LDLRAD4: variants seen among roughly 807,000 people sequenced by gnomAD.
LDLRAD4 encodes the protein low-density lipoprotein receptor class A domain-containing protein 4.
LDLRAD4 carries 5 observed loss-of-function variants against 17.0 expected under a neutral mutation model. The ratio of observed to expected loss-of-function variants is 0.29; its 90% CI spans 0.15 to 0.62. The LOEUF is 0.62. LDLRAD4 is among the 20% of genes least tolerant of loss of function. The probability of loss-of-function intolerance (pLI) is 0.84; values close to 1 mark genes in which losing one functional copy is unlikely to be tolerated. For missense variants in LDLRAD4, 340 were observed against 424.7 expected, an observed-to-expected ratio of 0.80 and a Z score of 1.75; for synonymous variants, 168 against 171.8, an observed-to-expected ratio of 0.98 and a Z score of 0.17.
intron 1 of LDLRAD4, among the ~76,000 whole-genome samples, chr18:13,358,773 C>T (rs1180851324): frequency 6.6e-6 from 1 of 152,034 alleles, no homozygotes; most frequent in Non-Finnish European, 1.5e-5. Context: ...AGTTGGCTTA[C>T]CATATTTCCA....
intron 1 of LDLRAD4, among the ~76,000 whole-genome samples, chr18:13,226,180 C>CTCTTTTTTTTT (rs71370946): frequency 4.2e-4 from 22 of 52,208 alleles, no homozygotes; most frequent in African/African-American, 1.6e-3. Context: ...CCATGCCTTG[C>CTCTTTTTTTTT]TTTTTTTTTT....
In LDLRAD4 at chr18:13,257,974, G is replaced by A. The variant is rs187671796; in HGVS notation, c.-466-20131G>A. ...AATGCCAGGCTGAGGCAGAAGGATC[G>A]CTTGAGCCGAGGAATTGGAGGCTGT... is the stretch of plus-strand genomic sequence containing the variant. On this transcript the variant is annotated intron_variant, in intron 1 of 5. Coordinates refer to the LDLRAD4 transcript ENST00000399848. Among the ~76,000 whole-genome samples the A allele has an allele frequency of 2.6e-4, 40 of 152,306 alleles. No homozygotes were observed. The East Asian group carries it at 3.9e-3, about 15-fold the overall frequency.
At chr18:13,338,915 T>G (rs895448409) in intron 1 of LDLRAD4, among the ~76,000 whole-genome samples, 1 of 152,210 alleles carries the variant, frequency 6.6e-6, no homozygotes, top group Admixed American at 6.5e-5. Flanking sequence ...AGCTGTTATT[T>G]TTTTGCTTAG....
rs1257095894 is a variant in LDLRAD4, at chr18:13,294,325, G to A, written c.-383+16137G>A. Among the ~76,000 whole-genome samples, 3 of 152,224 alleles carry A rather than the reference G, an allele frequency of 2.0e-5. No individual in the cohort carries two copies. In the East Asian group the frequency reaches 5.8e-4, roughly 29 times the overall value. Reference sequence around the variant, plus strand: ...AGGGCTGGGGGCACGTCAGACAGACGGCCCAGCCGGTGTGCGGAAGCGTTG... The same window carrying A: ...AGGGCTGGGGGCACGTCAGACAGACAGCCCAGCCGGTGTGCGGAAGCGTTG... On this transcript the variant is annotated intron_variant, in intron 1 of 5. Coordinates refer to ENST00000359446, the Ensembl canonical transcript of LDLRAD4.
At chr18:13,411,915 T>A (rs1336605052) in intron 2 of LDLRAD4, among the ~76,000 whole-genome samples, 1 of 152,184 alleles carries the variant, frequency 6.6e-6, no homozygotes, top group Non-Finnish European at 1.5e-5. Context: ...CAATCATGGC[T>A]CACTGTAGCC....
intron 3 of LDLRAD4, among the ~76,000 whole-genome samples, chr18:13,590,412 C>T (rs766417763): frequency 1.5e-4 from 23 of 152,230 alleles, no homozygotes; most frequent in Admixed American, 3.3e-4. Flanking sequence ...CCCACTCATA[C>T]GTAGCAGAAA....
chr18:13,412,460 T>C (rs1326256139), intron 2 of LDLRAD4, among the ~76,000 whole-genome samples: 2 of 152,214 alleles, frequency 1.3e-5, no homozygotes, highest in Non-Finnish European at 2.9e-5. Context: ...TTCTCTATTA[T>C]AACATTTACC....
intron 1 of LDLRAD4, among the ~76,000 whole-genome samples, chr18:13,272,321 C>A (rs2044606327): frequency 6.6e-6 from 1 of 152,212 alleles, no homozygotes; most frequent in African/African-American, 2.4e-5. Context: ...AGAGACTGGA[C>A]ACTTGAACTG....
intron 1 of LDLRAD4, among the ~76,000 whole-genome samples, chr18:13,253,787 G>A (rs1411404769): frequency 2.0e-5 from 3 of 152,232 alleles, no homozygotes; most frequent in Non-Finnish European, 4.4e-5. Context: ...TCTGGCACAG[G>A]TTGTATTCAC....
intron 1 of LDLRAD4, among the ~76,000 whole-genome samples, chr18:13,386,000 T>C (rs911248895): frequency 2.0e-5 from 3 of 152,238 alleles, no homozygotes; most frequent in Non-Finnish European, 2.9e-5. Context: ...ACTTCATTAA[T>C]TTATAACATA....
intron 4 of LDLRAD4, among the ~76,000 whole-genome samples, chr18:13,625,440 G>A (rs577238624): frequency 1.8e-4 from 28 of 152,216 alleles, no homozygotes; most frequent in African/African-American, 6.3e-4. Context: ...TGCTATGAGC[G>A]GCCCCTCGCC....
At chr18:13,410,086 C>G (rs2088182476) in intron 2 of LDLRAD4, among the ~76,000 whole-genome samples, 1 of 152,118 alleles carries the variant, frequency 6.6e-6, no homozygotes. Flanking sequence ...CGCACAGACC[C>G]AAATCGAAGG....
At chr18:13,403,508 A>G (rs2087419298) in intron 2 of LDLRAD4, among the ~76,000 whole-genome samples, 1 of 152,220 alleles carries the variant, frequency 6.6e-6, no homozygotes, top group African/African-American at 2.4e-5. Context: ...GTATGTTGGC[A>G]GTTCCTGCAT....
chr18:13,337,929 G>A (rs2082183718), intron 1 of LDLRAD4, among the ~76,000 whole-genome samples: 1 of 152,102 alleles, frequency 6.6e-6, no homozygotes, highest in Non-Finnish European at 1.5e-5. Context: ...CAGTCACAGT[G>A]GAAAGCAGTT....
chr18:13,530,795 A>G (rs2094115021), intron 3 of LDLRAD4, among the ~76,000 whole-genome samples: 1 of 145,136 alleles, frequency 6.9e-6, no homozygotes, highest in East Asian at 2.2e-4. Flanking sequence ...CCTGCCCTCG[A>G]GCCAGGAGGA....
At chr18:13,320,217 C>T (rs146714808) in intron 1 of LDLRAD4, among the ~76,000 whole-genome samples, 66 of 152,306 alleles carry the variant, frequency 4.3e-4, no homozygotes, top group African/African-American at 1.4e-3. Context: ...AAGAATCATT[C>T]GCAAGTCTTT....
chr18:13,627,558 C>T (rs2041288024), intron 4 of LDLRAD4, among the ~76,000 whole-genome samples: 1 of 152,196 alleles, frequency 6.6e-6, no homozygotes, highest in South Asian at 2.1e-4. Flanking sequence ...ACTGAGAGGG[C>T]CACTGGTTCC....
chr18:13,497,675 C>G (rs2093499976), intron 3 of LDLRAD4, among the ~76,000 whole-genome samples: 1 of 152,202 alleles, frequency 6.6e-6, no homozygotes, highest in African/African-American at 2.4e-5. Flanking sequence ...CAGGTCAAAA[C>G]ACATATGGGG....
In LDLRAD4 at chr18:13,509,597, GA is replaced by G. The variant is rs551581766; in HGVS notation, c.181+71214del. Among the ~76,000 whole-genome samples the G allele has an allele frequency of 2.4e-4, 36 of 152,316 alleles. 1 individual carries two copies. In the East Asian group the frequency reaches 6.8e-3, roughly 29 times the overall value. On this transcript the variant is annotated intron_variant, in intron 3 of 5. Transcript: ENST00000359446. ...AAAATGCTGTGAATATTGTTGAAATGACAACAAAGGATTAGAATATTTCATA... is the reference window on the plus strand; with the variant it reads ...AAAATGCTGTGAATATTGTTGAAATGCAACAAAGGATTAGAATATTTCATA...
Sources: gnomAD v4.1 joint callset for allele counts (sites outside exome capture counted in the v4.1 genomes callset) on GRCh38, gnomAD v4.1.1 for gene constraint, MANE v1.5 for transcripts, NCBI Gene and HGNC (gene_info 2026-07-23, HGNC 2026-07-21) for gene names.